The following CSMD1 variants were observed in gnomAD, a reference collection of about 807,000 sequenced individuals.
CSMD1 encodes CUB and sushi domain-containing protein 1.
Under a neutral mutation model 417.5 loss-of-function variants are expected in CSMD1, and 213 were observed. The observed-to-expected ratio is 0.51, with a 90% confidence interval of 0.46 to 0.57. The LOEUF (loss-of-function observed/expected upper bound fraction) is 0.57, where lower values mean the gene tolerates loss of function less well. Among genes scored for constraint, CSMD1 ranks in the 20% least tolerant of loss-of-function variants. CSMD1 has a pLI of 0.00. For missense variants in CSMD1, 6,923 were observed against 4,529.7 expected (o/e 1.53, Z -15.17); for synonymous variants, 2,862 against 1,736.8 (o/e 1.65, Z -16.11).
chr8:4,208,467 T>C (rs937075040), intron 3 of CSMD1, among the ~76,000 whole-genome samples: 7 of 152,344 alleles, frequency 4.6e-5, no homozygotes, highest in African/African-American at 1.7e-4. Context: ...AAATTGATAA[T>C]TGATGTTTCT....
chr8:3,195,747 A>G (rs17079592), intron 33 of CSMD1, among the ~76,000 whole-genome samples: 1,857 of 152,276 alleles, frequency 0.012, 39 homozygotes, highest in African/African-American at 0.042. Context: ...AACTGGTATA[A>G]AACACTTTCT....
chr8:3,565,311 T>G (rs1201418552), intron 10 of CSMD1, among the ~76,000 whole-genome samples: 1 of 150,042 alleles, frequency 6.7e-6, no homozygotes, highest in Non-Finnish European at 1.5e-5. Flanking sequence ...CCCAGTGGCA[T>G]GGGAGAAAAG....
At chr8:4,079,040 C>G (rs2161928) in intron 3 of CSMD1, among the ~76,000 whole-genome samples, 7 of 150,640 alleles carry the variant, frequency 4.6e-5, no homozygotes, top group Admixed American at 3.3e-4. Flanking sequence ...AGGTATGGAC[C>G]CGACCACAAG....
intron 2 of CSMD1, among the ~76,000 whole-genome samples, chr8:4,628,419 C>T (rs1040533239): frequency 7.1e-5 from 8 of 112,900 alleles, no homozygotes; most frequent in African/African-American, 1.6e-4. Flanking sequence ...CATATATATA[C>T]ATATATATAC....
chr8:4,426,319 T>G lies in CSMD1; in HGVS notation c.303-6254A>C, dbSNP rs567448001. On this transcript the variant is annotated intron_variant, in intron 2 of 69. Coordinates refer to ENST00000635120, the MANE Select transcript of CSMD1 (RefSeq NM_033225.6). ...AAATTTGTTGTAGATATAAAAAGTT[T>G]TTTTAATTATGTAGTATATAGCATA... Among the ~76,000 whole-genome samples, 14 of 151,356 alleles carry G rather than the reference T, an allele frequency of 9.2e-5. No individual in the cohort carries two copies. In the East Asian group the frequency reaches 2.5e-3, roughly 27 times the overall value.
intron 3 of CSMD1, among the ~76,000 whole-genome samples, chr8:4,133,164 C>T (rs945084691): frequency 6.6e-6 from 1 of 152,138 alleles, no homozygotes; most frequent in Non-Finnish European, 1.5e-5. Context: ...TCTCAAACTC[C>T]TGGCCTTGTG....
At chr8:4,072,295 A>G (rs1283168815) in intron 3 of CSMD1, among the ~76,000 whole-genome samples, 3 of 152,230 alleles carry the variant, frequency 2.0e-5, no homozygotes, top group Non-Finnish European at 4.4e-5. Context: ...TTACAAAAAA[A>G]TACCTTCCTT....
At chr8:3,324,428 C>G (rs1304922158) in intron 23 of CSMD1, among the ~76,000 whole-genome samples, 3 of 142,484 alleles carry the variant, frequency 2.1e-5, no homozygotes, top group African/African-American at 8.0e-5. Context: ...AGGCCCACAC[C>G]TAATCCTCAG....
intron 16 of CSMD1, among the ~76,000 whole-genome samples, chr8:3,397,360 C>T (rs529193321): frequency 2.0e-5 from 3 of 152,270 alleles, no homozygotes; most frequent in African/African-American, 7.2e-5. Flanking sequence ...TGGCGTGTAG[C>T]AACAGAAAAC....
chr8:4,572,013 G>C (rs1798917022), intron 2 of CSMD1, among the ~76,000 whole-genome samples: 1 of 152,180 alleles, frequency 6.6e-6, no homozygotes, highest in Non-Finnish European at 1.5e-5. Context: ...GCCTATGTGT[G>C]TCTTCGCACA....
At chr8:3,030,243 C>A (rs1475501333) in intron 50 of CSMD1, among the ~76,000 whole-genome samples, 1 of 151,856 alleles carries the variant, frequency 6.6e-6, no homozygotes, top group Non-Finnish European at 1.5e-5. Flanking sequence ...TATACAGAGT[C>A]TGAGTTGTAT....
chr8:3,601,131 G>A lies in CSMD1; in HGVS notation c.1098-14871C>T, dbSNP rs1479768609. On this transcript the variant is annotated intron_variant, in intron 8 of 69. Transcript: ENST00000635120. ...CTCCTGTATATCACTGCTAGATGTA[G>A]GTTTGCCTCTGGCTTCTGAGATCTA... is the stretch of plus-strand genomic sequence containing the variant. 2.0e-5 allele frequency among the ~76,000 whole-genome samples: 3 copies of A among 152,106 alleles called. No homozygotes were observed. The South Asian group carries it at 6.2e-4, about 32-fold the overall frequency.
intron 2 of CSMD1, among the ~76,000 whole-genome samples, chr8:4,543,085 C>G (rs1471396435): frequency 2.0e-5 from 3 of 152,146 alleles, no homozygotes; most frequent in Non-Finnish European, 4.4e-5. Context: ...CCATAGTTTT[C>G]CCTATTATCA....
At position 3,514,264 on chromosome 8, in the gene CSMD1, A is replaced by C. The variant is rs762943245; in HGVS notation, c.1345-20538T>G. ...GTCTCTTTCATTTTCTCAGGAAGCCATTATAAATGGTGCAACATAGAGACG... is the reference window on the plus strand; with the variant it reads ...GTCTCTTTCATTTTCTCAGGAAGCCCTTATAAATGGTGCAACATAGAGACG... On this transcript the variant is annotated intron_variant, in intron 10 of 69. Coordinates refer to ENST00000635120, the MANE Select transcript of CSMD1 (RefSeq NM_033225.6). Among the ~76,000 whole-genome samples the C allele has an allele frequency of 2.9e-4, 44 of 152,178 alleles. 1 individual carries two copies. The highest frequency in any genetic ancestry group is 8.8e-5 in the Non-Finnish European group (6 of 68,042).
At chr8:3,763,456 C>A (rs950959596) in intron 5 of CSMD1, among the ~76,000 whole-genome samples, 1 of 152,084 alleles carries the variant, frequency 6.6e-6, no homozygotes, top group South Asian at 2.1e-4. Context: ...AGCACTCCCC[C>A]CTCTCCTCTC....
intron 5 of CSMD1, among the ~76,000 whole-genome samples, chr8:3,839,022 A>C (rs1171251191): frequency 4.0e-4 from 51 of 127,726 alleles, no homozygotes; most frequent in African/African-American, 1.4e-3. Context: ...TTATATGTTG[A>C]TATTATATAT....
At chr8:3,010,962 G>A (rs1046173533) in intron 52 of CSMD1, among the ~76,000 whole-genome samples, 5 of 151,992 alleles carry the variant, frequency 3.3e-5, no homozygotes, top group South Asian at 2.1e-4. Context: ...TCCTGACCTC[G>A]TGATCTGCCC....
intron 26 of CSMD1, among the ~76,000 whole-genome samples, chr8:3,235,357 G>C (rs1041556624): frequency 6.6e-6 from 1 of 152,150 alleles, no homozygotes; most frequent in Non-Finnish European, 1.5e-5. Flanking sequence ...TACTAGGAAA[G>C]TTTTACACAA....
intron 2 of CSMD1, among the ~76,000 whole-genome samples, chr8:4,580,149 T>C (rs1455571075): frequency 2.0e-5 from 3 of 152,214 alleles, no homozygotes; most frequent in Admixed American, 1.3e-4. Context: ...GCCCTGACTG[T>C]ACCAGGCACT....
Sources: allele counts gnomAD v4.1 joint callset (sites outside exome capture counted in the v4.1 genomes callset), GRCh38; gene constraint gnomAD v4.1.1; transcripts MANE v1.5; gene names NCBI Gene and HGNC (gene_info 2026-07-23, HGNC 2026-07-21).